CD38: variants seen among roughly 807,000 people sequenced by gnomAD.
The protein encoded by CD38 is ADP-ribosyl cyclase/cyclic ADP-ribose hydrolase 1.
CD38 carries 31 observed loss-of-function variants against 36.3 expected under a neutral mutation model. The ratio of observed to expected loss-of-function variants is 0.85; its 90% CI spans 0.64 to 1.15. The LOEUF (loss-of-function observed/expected upper bound fraction) is 1.15. CD38 is among the 50% of genes most tolerant of loss of function. CD38 has a pLI of 0.00. For missense variants in CD38, 380 were observed against 371.9 expected (o/e 1.02, Z -0.18); for synonymous variants, 131 against 135.2 (o/e 0.97, Z 0.22).
intron 3 of CD38, chr4:15,825,359 A>G (rs1723825314): frequency 7.6e-6 from 2 of 263,870 alleles, no homozygotes; most frequent in Non-Finnish European, 1.5e-5. Context: ...GAAAGCAAGG[A>G]GAGGTCAGGG....
chr4:15,822,852 C>T (rs76252692), intron 2 of CD38, among the ~76,000 whole-genome samples: 1 of 152,112 alleles, frequency 6.6e-6, no homozygotes, highest in Admixed American at 6.6e-5. Flanking sequence ...TCATATGGAA[C>T]CAAAAAAGCT....
intron 1 of CD38, among the ~76,000 whole-genome samples, chr4:15,786,984 A>C (rs891997618): frequency 6.6e-6 from 1 of 152,230 alleles, no homozygotes; most frequent in Non-Finnish European, 1.5e-5. Flanking sequence ...CTGGGTGCTA[A>C]GCCCTTCACT....
In CD38 at chr4:15,834,227, T is replaced by G. The variant is rs1162661238; in HGVS notation, c.510T>G (p.Tyr170Ter). 1 of 1,605,912 alleles carries G rather than the reference T, an allele frequency of 6.2e-7. No individual in the cohort carries two copies. Among genetic ancestry groups the G allele is most frequent in the East Asian group, 2.2e-5 (1 of 44,816 alleles). ...AACTATGTCTTTTAGAAATAAACTA[T>G]CAATCTTGCCCAGACTGGAGAAAGG... Reference protein sequence around the residue: ...CGEFNTSKINYQSCPDWRKDC... With the variant: ...CGEFNTSKIN Residue 170 changes from tyrosine (Y) to a stop codon, truncating the protein, a stop_gained, in exon 4 of 8, where the codon TAT becomes TAG. Transcript: ENST00000226279. LOFTEE classifies it high-confidence loss of function.
chr4:15,794,898 A>C (rs1375893441), intron 1 of CD38, among the ~76,000 whole-genome samples: 2 of 152,250 alleles, frequency 1.3e-5, no homozygotes, highest in African/African-American at 2.4e-5. Context: ...AAGTAGATAG[A>C]AACAAAAATT....
chr4:15,788,663 C>A (rs1211470537), intron 1 of CD38, among the ~76,000 whole-genome samples: 1 of 152,080 alleles, frequency 6.6e-6, no homozygotes, highest in African/African-American at 2.4e-5. Flanking sequence ...GAATCAGGAC[C>A]CCGAATAGTG....
In CD38 at chr4:15,840,554, T is replaced by A; in HGVS notation, c.839+16T>A. 1.4e-6 allele frequency: 2 copies of A among 1,428,542 alleles called. No homozygotes were observed. The highest frequency in any genetic ancestry group is 1.4e-5 in the African/African-American group (1 of 70,490). 88.5% of individuals were successfully genotyped at this position (1,428,542 alleles called of 1,614,324 possible). On this transcript the variant is annotated intron_variant, in intron 7 of 7. Coordinates refer to ENST00000226279, the MANE Select transcript of CD38 (RefSeq NM_001775.4). ...ATATCTACAGGTAATTAATTTCTTC[T>A]TGAAGAAAAAAATGACTGTCTTGTC...
chr4:15,820,721 T>C (rs576313636), intron 2 of CD38, among the ~76,000 whole-genome samples: 1 of 151,818 alleles, frequency 6.6e-6, no homozygotes, highest in Admixed American at 6.6e-5. Context: ...GAGATTTAGA[T>C]ACCCACACAA....
At chr4:15,830,646 T>G (rs1030609976) in intron 3 of CD38, among the ~76,000 whole-genome samples, 1 of 152,202 alleles carries the variant, frequency 6.6e-6, no homozygotes, top group Non-Finnish European at 1.5e-5. Flanking sequence ...TCATGGGGTA[T>G]TGCTCAATAA....
intron 1 of CD38, among the ~76,000 whole-genome samples, chr4:15,792,968 A>G (rs2148916511): frequency 6.6e-6 from 1 of 152,316 alleles, no homozygotes; most frequent in East Asian, 1.9e-4. Context: ...AAGAGTGCAT[A>G]TTAATTTATT....
intron 1 of CD38, among the ~76,000 whole-genome samples, chr4:15,804,325 G>A (rs1183748624): frequency 6.6e-6 from 1 of 152,138 alleles, no homozygotes; most frequent in Non-Finnish European, 1.5e-5. Context: ...ATTGTTGGTA[G>A]GAATGTAAAT....
intron 1 of CD38, among the ~76,000 whole-genome samples, chr4:15,780,518 TCACACACACACACACACACACACACACA>T (rs59324393): frequency 7.1e-6 from 1 of 140,028 alleles, no homozygotes; most frequent in Non-Finnish European, 1.5e-5. Context: ...ATTCTCTCTC[TCACACACACACACACACACACACACACA>T]CACACACACA....
At chr4:15,804,475 A>G (rs1181680919) in intron 1 of CD38, among the ~76,000 whole-genome samples, 1 of 152,218 alleles carries the variant, frequency 6.6e-6, no homozygotes, top group Non-Finnish European at 1.5e-5. Context: ...CTGCACTCCC[A>G]TCTTTACTGT....
At chr4:15,836,016 G>C (rs1415383116) in intron 4 of CD38, among the ~76,000 whole-genome samples, 1 of 152,178 alleles carries the variant, frequency 6.6e-6, no homozygotes, top group Non-Finnish European at 1.5e-5. Flanking sequence ...AAAAAGGTGT[G>C]AGTAACAATA....
intron 3 of CD38, among the ~76,000 whole-genome samples, chr4:15,829,666 C>G (rs778110841): frequency 2.6e-5 from 4 of 152,180 alleles, no homozygotes; most frequent in Non-Finnish European, 4.4e-5. Flanking sequence ...AGTCACCATA[C>G]TGTGCTATCA....
intron 1 of CD38, among the ~76,000 whole-genome samples, chr4:15,784,237 T>C (rs144162422): frequency 2.0e-5 from 3 of 152,260 alleles, no homozygotes; most frequent in South Asian, 4.1e-4. Context: ...GTGAGTGGAG[T>C]ACCAGCACAA....
intron 1 of CD38, among the ~76,000 whole-genome samples, chr4:15,799,732 G>T (rs1390366858): frequency 6.6e-6 from 1 of 152,184 alleles, no homozygotes; most frequent in Non-Finnish European, 1.5e-5. Flanking sequence ...TGACAGAGCA[G>T]GAGCACAGTC....
chr4:15,841,549 C>T (rs183015259), intron 7 of CD38, among the ~76,000 whole-genome samples: 6 of 148,490 alleles, frequency 4.0e-5, no homozygotes, highest in African/African-American at 1.3e-4. Context: ...AATCTTGCGG[C>T]GGAGGAGCCA....
chr4:15,836,198 T>C (rs1724066667), intron 4 of CD38, among the ~76,000 whole-genome samples: 1 of 152,202 alleles, frequency 6.6e-6, no homozygotes, highest in South Asian at 2.1e-4. Context: ...GCTGGATACT[T>C]GGGAAATCCA....
At chr4:15,781,824 A>G (rs1442954766) in intron 1 of CD38, among the ~76,000 whole-genome samples, 1 of 152,248 alleles carries the variant, frequency 6.6e-6, no homozygotes, top group Non-Finnish European at 1.5e-5. Context: ...ACTTCCAAGT[A>G]TCACTTTCTG....
Sources: gnomAD v4.1 joint callset for allele counts (sites outside exome capture counted in the v4.1 genomes callset) on GRCh38, gnomAD v4.1.1 for gene constraint, MANE v1.5 for transcripts, NCBI Gene and HGNC (gene_info 2026-07-23, HGNC 2026-07-21) for gene names.